Variants in LRP1B observed in about 807,000 individuals in gnomAD.
LRP1B encodes low-density lipoprotein receptor-related protein 1B.
Under a neutral mutation model 556.6 loss-of-function variants are expected in LRP1B, and 217 were observed. The ratio of observed to expected loss-of-function variants is 0.39; its 90% CI spans 0.35 to 0.44. The LOEUF is 0.44. LRP1B is among the 20% of genes least tolerant of loss of function. The pLI, the probability that LRP1B is intolerant of heterozygous loss-of-function variation, is 1.00. For synonymous variants in LRP1B, 2,047 were observed against 1,865.8 expected, an observed-to-expected ratio of 1.10 and a Z score of -2.50; for missense variants, 5,053 against 5,620.8, an observed-to-expected ratio of 0.90 and a Z score of 3.23.
intron 7 of LRP1B, among the ~76,000 whole-genome samples, chr2:141,102,843 T>C (rs1200309798): frequency 6.6e-6 from 1 of 152,080 alleles, no homozygotes; most frequent in Admixed American, 6.6e-5. Flanking sequence ...ACATTGAAAA[T>C]ATGATAATAA....
intron 16 of LRP1B, among the ~76,000 whole-genome samples, chr2:140,990,391 A>C (rs556316409): frequency 2.0e-5 from 3 of 152,052 alleles, no homozygotes; most frequent in Non-Finnish European, 4.4e-5. Flanking sequence ...AAACCACATA[A>C]ACATTCAAAT....
rs1439040994 is a variant in LRP1B at position 140,422,397 on chromosome 2, G to A, written c.10414+20107C>T. Among the ~76,000 whole-genome samples, 4 of 152,180 alleles carry A rather than the reference G, an allele frequency of 2.6e-5. No individual in the cohort carries two copies. The East Asian group carries it at 7.7e-4, about 29-fold the overall frequency. On this transcript the variant is annotated intron_variant, in intron 66 of 90. Transcript: ENST00000389484. The stretch of plus-strand genomic sequence containing the variant: ...GTTATAGTACAAAAGCAGGCACACA[G>A]CAGTGGAGAACAGTGAGATATTTAA...
chr2:141,124,638 A>G (rs931844824), intron 7 of LRP1B, among the ~76,000 whole-genome samples: 1 of 150,192 alleles, frequency 6.7e-6, no homozygotes, highest in Non-Finnish European at 1.5e-5. Flanking sequence ...TTCTGTGTAC[A>G]TCATTGAAGA....
chr2:141,134,113 A>G (rs1701431080), intron 7 of LRP1B, among the ~76,000 whole-genome samples: 1 of 151,592 alleles, frequency 6.6e-6, no homozygotes, highest in South Asian at 2.1e-4. Flanking sequence ...CCCACCCTCC[A>G]ACATATATCC....
intron 1 of LRP1B, among the ~76,000 whole-genome samples, chr2:142,001,771 C>T (rs1353230863): frequency 6.6e-6 from 1 of 152,090 alleles, no homozygotes; most frequent in East Asian, 1.9e-4. Context: ...AATTTCATAC[C>T]AACTTCAGAT....
intron 3 of LRP1B, among the ~76,000 whole-genome samples, chr2:141,320,379 C>T (rs1489301383): frequency 6.6e-6 from 1 of 151,972 alleles, no homozygotes; most frequent in African/African-American, 2.4e-5. Context: ...CTGTAGATAA[C>T]ACAGAATATT....
chr2:140,641,128 C>T (rs1192394453), intron 41 of LRP1B, among the ~76,000 whole-genome samples: 1 of 152,138 alleles, frequency 6.6e-6, no homozygotes, highest in Non-Finnish European at 1.5e-5. Flanking sequence ...ACAAAAATTG[C>T]CAGGCTCAAA....
chr2:141,589,961 A>G (rs1171946508), intron 2 of LRP1B, among the ~76,000 whole-genome samples: 1 of 152,192 alleles, frequency 6.6e-6, no homozygotes, highest in Non-Finnish European at 1.5e-5. Context: ...GAAGCCACTA[A>G]ACTGCACAAG....
intron 7 of LRP1B, among the ~76,000 whole-genome samples, chr2:141,092,176 C>T (rs1700185805): frequency 6.6e-6 from 1 of 152,080 alleles, no homozygotes; most frequent in South Asian, 2.1e-4. Flanking sequence ...TTCCAAAAAC[C>T]AGTTGACAAT....
At chr2:141,497,461 T>C (rs1374780881) in intron 2 of LRP1B, among the ~76,000 whole-genome samples, 1 of 152,066 alleles carries the variant, frequency 6.6e-6, no homozygotes, top group Non-Finnish European at 1.5e-5. Context: ...CTTGGCGTCC[T>C]AGTTTACAGC....
intron 20 of LRP1B, among the ~76,000 whole-genome samples, chr2:140,945,127 A>G (rs904059231): frequency 6.6e-6 from 1 of 152,184 alleles, no homozygotes; most frequent in African/African-American, 2.4e-5. Flanking sequence ...TGAGAGATAA[A>G]TCAAGAATAC....
intron 2 of LRP1B, among the ~76,000 whole-genome samples, chr2:141,695,963 C>T (rs1691721377): frequency 6.6e-6 from 1 of 151,862 alleles, no homozygotes; most frequent in Admixed American, 6.6e-5. Flanking sequence ...ATTTAGTTCT[C>T]CTTGAACTAC....
intron 1 of LRP1B, among the ~76,000 whole-genome samples, chr2:141,882,030 T>C (rs1260719163): frequency 3.3e-5 from 5 of 152,108 alleles, no homozygotes; most frequent in African/African-American, 1.2e-4. Context: ...ATGCTGGGAT[T>C]ATAGGTGTGA....
intron 6 of LRP1B, among the ~76,000 whole-genome samples, chr2:141,209,498 G>A (rs1381504696): frequency 1.3e-5 from 2 of 152,188 alleles, no homozygotes; most frequent in African/African-American, 4.8e-5. Context: ...TATCAGCAGT[G>A]TGAGAACGGA....
rs367997596 is a variant in LRP1B at position 140,311,904 on chromosome 2, T to C, written c.12805+3031A>G. Among the ~76,000 whole-genome samples, 18 of 152,058 alleles carry C rather than the reference T, an allele frequency of 1.2e-4. No homozygotes were observed. The South Asian group carries it at 3.7e-3, about 31-fold the overall frequency. Reference sequence around the variant, plus strand: ...TGCCCCACGTACATATGTGACTTGATATCCTTTACTACATATGTTTTGTCA... The same window carrying C: ...TGCCCCACGTACATATGTGACTTGACATCCTTTACTACATATGTTTTGTCA... On this transcript the variant is annotated intron_variant, in intron 83 of 90. Transcript: ENST00000389484.
In LRP1B at chr2:140,856,351, C is replaced by T. The variant is rs146583683; in HGVS notation, c.4580-4568G>A. The stretch of plus-strand genomic sequence containing the variant: ...CAGCTAATGCTGATTTCTTTCATCA[C>T]GAAATATTGGTTATAATTATTGCTT... On this transcript the variant is annotated intron_variant, in intron 27 of 90. Coordinates refer to ENST00000389484, the MANE Select transcript of LRP1B (RefSeq NM_018557.3). Among the ~76,000 whole-genome samples, 11 of 152,252 alleles carry T rather than the reference C, an allele frequency of 7.2e-5. No homozygotes were observed. In the East Asian group the frequency reaches 1.4e-3, roughly 19 times the overall value.
intron 3 of LRP1B, among the ~76,000 whole-genome samples, chr2:141,418,947 A>G (rs775273382): frequency 2.6e-5 from 4 of 151,844 alleles, no homozygotes; most frequent in Non-Finnish European, 5.9e-5. Context: ...TTTATTCCTA[A>G]GTATTATATT....
At chr2:141,331,684 C>A (rs1687663637) in intron 3 of LRP1B, among the ~76,000 whole-genome samples, 1 of 152,078 alleles carries the variant, frequency 6.6e-6, no homozygotes, top group South Asian at 2.1e-4. Flanking sequence ...GTAAACAAAT[C>A]TTCTCCAGGG....
At position 140,485,350 on chromosome 2, in the gene LRP1B, G is replaced by C. The variant is rs769829697; in HGVS notation, c.9418C>G (p.Gln3140Glu). 1.0e-5 allele frequency: 16 copies of C among 1,607,296 alleles called. No individual in the cohort carries two copies. The East Asian group carries it at 2.7e-4, about 27-fold the overall frequency. ...KFPRDLSLDP[Q>E]AGYLYWIDCC... The stretch of plus-strand genomic sequence containing the variant: ...TTAACAGTTTTTACAAACCCAGCTT[G>C]AGGATCTAAAGACAAGTCTCTGGGA... The change falls in exon 59 of 91, where the codon CAA (glutamine) becomes GAA (glutamate). Residue 3140 changes from glutamine (Q) to glutamate (E), a missense_variant. Gln to Glu is a conservative substitution (Grantham distance 29). Transcript: ENST00000389484.
Sources: allele counts gnomAD v4.1 joint callset (sites outside exome capture counted in the v4.1 genomes callset), GRCh38; gene constraint gnomAD v4.1.1; transcripts MANE v1.5; gene names NCBI Gene and HGNC (gene_info 2026-07-23, HGNC 2026-07-21).